Variants in CTTNBP2NL observed in about 807,000 individuals in gnomAD.
CTTNBP2NL encodes CTTNBP2 N-terminal like.
Under a neutral mutation model 32.5 loss-of-function variants are expected in CTTNBP2NL, and 16 were observed. The observed-to-expected ratio is 0.49, with a 90% CI of 0.33 to 0.75. The LOEUF is 0.75. Among genes scored for constraint, CTTNBP2NL ranks in the 30% least tolerant of loss-of-function variants. The pLI is 0.02. For missense variants in CTTNBP2NL, 645 were observed against 756.0 expected (o/e 0.85, Z 1.72); for synonymous variants, 298 against 289.4 (o/e 1.03, Z -0.30).
At position 112,455,954 on chromosome 1, in the gene CTTNBP2NL, G is replaced by A. The variant is rs770433364; in HGVS notation, c.462G>A (p.Val154=). Residue 154 remains valine, a synonymous_variant, in exon 6 of 6, where the codon GTG becomes GTA. Transcript: ENST00000271277. Reference sequence around the variant, plus strand: ...AGTTGGAATTTGAAAAATCCCAAGTGAAAAAGTTTGAAAAAGAACAGAAGA... The same window carrying A: ...AGTTGGAATTTGAAAAATCCCAAGTAAAAAAGTTTGAAAAAGAACAGAAGA... ...TQQLEFEKSQ[V]KKFEKEQKKL... 6.3e-6 allele frequency: 10 copies of A among 1,577,924 alleles called. No individual in the cohort carries two copies. The South Asian group carries it at 1.2e-4, about 19-fold the overall frequency.
In CTTNBP2NL at chr1:112,457,691, G is replaced by A. The variant is rs1034527764; in HGVS notation, c.*279G>A. The A allele has an allele frequency of 3.2e-6, 1 of 312,904 alleles. No individual in the cohort carries two copies. The highest frequency in any genetic ancestry group is 5.9e-6 in the Non-Finnish European group (1 of 170,484). 19.4% of individuals were successfully genotyped at this position (312,904 alleles called of 1,614,324 possible). On this transcript the variant is annotated 3_prime_UTR_variant, in exon 6 of 6. Coordinates refer to ENST00000271277, the MANE Select transcript of CTTNBP2NL (RefSeq NM_018704.3). The stretch of plus-strand genomic sequence containing the variant: ...TGTGATGAAGAAAGCGAATCACCAG[G>A]TGGTGATTTGCTATCTATTTGAGAA...
At chr1:112,433,789 A>G (rs1649644084) in intron 3 of CTTNBP2NL, among the ~76,000 whole-genome samples, 1 of 152,066 alleles carries the variant, frequency 6.6e-6, no homozygotes, top group African/African-American at 2.4e-5. Flanking sequence ...CTTACTTTTT[A>G]TAATTACTAT....
chr1:112,438,421 T>C (rs1649801671), intron 3 of CTTNBP2NL, among the ~76,000 whole-genome samples: 1 of 152,190 alleles, frequency 6.6e-6, no homozygotes, highest in Non-Finnish European at 1.5e-5. Context: ...TAAAGTTGTT[T>C]ATCAGCTGAA....
intron 3 of CTTNBP2NL, among the ~76,000 whole-genome samples, chr1:112,423,431 C>G (rs1478368765): frequency 1.3e-5 from 2 of 151,978 alleles, no homozygotes; most frequent in South Asian, 4.1e-4. Context: ...TTTTGCCATT[C>G]CACAGTGTAT....
chr1:112,421,210 A>T (rs531550608), intron 3 of CTTNBP2NL, among the ~76,000 whole-genome samples: 1 of 151,888 alleles, frequency 6.6e-6, no homozygotes, highest in East Asian at 1.9e-4. Flanking sequence ...AGGCCGAGGC[A>T]GGAGGCATTA....
At chr1:112,428,675 A>G (rs1570730877) in intron 3 of CTTNBP2NL, among the ~76,000 whole-genome samples, 2 of 152,154 alleles carry the variant, frequency 1.3e-5, no homozygotes, top group East Asian at 1.9e-4. Flanking sequence ...ACACCCATAT[A>G]CGTATATTAA....
chr1:112,395,643 A>C (rs556215348), upstream of CTTNBP2NL, among the ~76,000 whole-genome samples: 85 of 152,340 alleles, frequency 5.6e-4, no homozygotes, highest in Non-Finnish European at 2.8e-4. Flanking sequence ...CTTCTGTACA[A>C]AATGTGGTTG....
chr1:112,448,447 A>C (rs1016895956), intron 3 of CTTNBP2NL, among the ~76,000 whole-genome samples: 1 of 152,222 alleles, frequency 6.6e-6, no homozygotes, highest in African/African-American at 2.4e-5. Context: ...TATCATACTT[A>C]ACATGTTTTA....
Position 112,456,420 on chromosome 1 carries a change from G to C in CTTNBP2NL, c.928G>C (p.Val310Leu). ...TATEPLMLMS[V>L]FCQTESFPAE... ...AACTGAGCCTCTCATGCTAATGTCTGTGTTTTGCCAAACAGAGAGTTTTCC... is the reference window on the plus strand; with the variant it reads ...AACTGAGCCTCTCATGCTAATGTCTCTGTTTTGCCAAACAGAGAGTTTTCC... Residue 310 changes from valine (V) to leucine (L), a missense_variant, in exon 6 of 6, where the codon GTG (valine) becomes CTG (leucine). Val to Leu is a conservative substitution (Grantham distance 32). Coordinates refer to ENST00000271277, the MANE Select transcript of CTTNBP2NL (RefSeq NM_018704.3). 6.2e-7 allele frequency: 1 copy of C among 1,614,126 alleles called. No individual in the cohort carries two copies. Among genetic ancestry groups the C allele is most frequent in the African/African-American group, 1.3e-5 (1 of 75,050 alleles).
At chr1:112,397,780 A>G (rs925467993) in intron 1 of CTTNBP2NL, among the ~76,000 whole-genome samples, 1 of 152,228 alleles carries the variant, frequency 6.6e-6, no homozygotes, top group Non-Finnish European at 1.5e-5. Flanking sequence ...CCCCTCTGTC[A>G]GCTATAGCCA....
chr1:112,425,442 A>C (rs1459506113), intron 3 of CTTNBP2NL, among the ~76,000 whole-genome samples: 1 of 152,152 alleles, frequency 6.6e-6, no homozygotes, highest in Non-Finnish European at 1.5e-5. Flanking sequence ...CCGCACTCCA[A>C]CCTGGGCAGC....
chr1:112,404,396 T>C (rs1166569813), intron 1 of CTTNBP2NL, among the ~76,000 whole-genome samples: 1 of 152,250 alleles, frequency 6.6e-6, no homozygotes, highest in Non-Finnish European at 1.5e-5. Context: ...GTTATGGGCA[T>C]CGCTAAAACA....
Position 112,455,974 on chromosome 1 carries a change from A to C in CTTNBP2NL, c.482A>C (p.Gln161Pro). ...KSQVKKFEKE[Q>P]KKLSSQLEEE... is the part of the protein sequence containing the mutation. ...CAAGTGAAAAAGTTTGAAAAAGAACAGAAGAAGCTCTCTAGTCAGCTGGAA... is the reference window on the plus strand; with the variant it reads ...CAAGTGAAAAAGTTTGAAAAAGAACCGAAGAAGCTCTCTAGTCAGCTGGAA... The change falls in exon 6 of 6, where the codon CAG becomes CCG. Residue 161 changes from glutamine to proline, a missense_variant. Physicochemically the swap from Gln to Pro is moderately conservative, Grantham distance 76. Transcript: ENST00000271277. The C allele has an allele frequency of 6.3e-7, 1 of 1,593,652 alleles. No individual in the cohort carries two copies. Among genetic ancestry groups the C allele is most frequent in the South Asian group, 1.2e-5 (1 of 86,424 alleles).
chr1:112,429,711 T>C (rs887302093), intron 3 of CTTNBP2NL, among the ~76,000 whole-genome samples: 1 of 152,166 alleles, frequency 6.6e-6, no homozygotes, highest in African/African-American at 2.4e-5. Flanking sequence ...GTGTCTCTTA[T>C]TAGGGTTCTG....
Position 112,460,721 on chromosome 1 carries a change from C to T in CTTNBP2NL, c.*3309C>T, listed in dbSNP as rs143986849. On this transcript the variant is annotated 3_prime_UTR_variant, in exon 6 of 6. Transcript: ENST00000271277. The stretch of plus-strand genomic sequence containing the variant: ...TGCTGCAATGTTAGCAAATGCAAGC[C>T]AGAGAGAAGCACTTGAAAATCCTTT... 2.6e-5 allele frequency: 4 copies of T among 152,174 alleles called. No individual in the cohort carries two copies. Among genetic ancestry groups the T allele is most frequent in the Non-Finnish European group, 5.9e-5 (4 of 68,038 alleles). The allele number at this position is 152,174 out of a possible 1,614,324, so 9.4% of individuals were successfully genotyped here.
At chr1:112,418,212 C>A (rs973469881) in intron 3 of CTTNBP2NL, among the ~76,000 whole-genome samples, 6 of 152,148 alleles carry the variant, frequency 3.9e-5, no homozygotes, top group Non-Finnish European at 7.4e-5. Context: ...GAGTTTCTTT[C>A]AGGATATGTT....
chr1:112,396,723 A>G (rs534855757), intron 1 of CTTNBP2NL: 1 of 152,346 alleles, frequency 6.6e-6, no homozygotes, highest in Non-Finnish European at 1.5e-5. Context: ...GGTGTTTCCC[A>G]AAAAGGAGGG....
chr1:112,457,648 C>T lies in CTTNBP2NL; in HGVS notation c.*236C>T. 2.2e-6 allele frequency: 1 copy of T among 451,132 alleles called. No individual in the cohort carries two copies. 27.9% of individuals were successfully genotyped at this position (451,132 alleles called of 1,614,324 possible). ...AGGCACCTCAAAGATGTCTCAAGCT[C>T]AGCAGTCACCGTCATGTTGTGATGA... On this transcript the variant is annotated 3_prime_UTR_variant, in exon 6 of 6. Transcript: ENST00000271277.
Position 112,456,626 on chromosome 1 carries a change from T to G in CTTNBP2NL, c.1134T>G (p.Ser378=), listed in dbSNP as rs754167670. 5 of 1,614,138 alleles carry G rather than the reference T, an allele frequency of 3.1e-6. No individual in the cohort carries two copies. In the East Asian group the frequency reaches 8.9e-5, roughly 29 times the overall value. The change falls in exon 6 of 6, where the codon TCT becomes TCG. Residue 378 remains serine, a synonymous_variant. Coordinates refer to ENST00000271277, the MANE Select transcript of CTTNBP2NL (RefSeq NM_018704.3). ...ACCAGGTGCCTCCACGGGAAAAATC[T>G]GTGGCATTGGCCCAAGAGAAACCAG... ...VENQVPPREK[S]VALAQEKPVE...
Sources: allele counts gnomAD v4.1 joint callset (sites outside exome capture counted in the v4.1 genomes callset), GRCh38; gene constraint gnomAD v4.1.1; transcripts MANE v1.5; gene names NCBI Gene and HGNC (gene_info 2026-07-23, HGNC 2026-07-21).